CAPZB: variants seen among roughly 807,000 people sequenced by gnomAD.
The protein encoded by CAPZB is capping actin protein of muscle Z-line subunit beta, also known as F-actin-capping protein subunit beta.
Under a neutral mutation model 38.1 loss-of-function variants are expected in CAPZB, and 2 were observed. The ratio of observed to expected loss-of-function variants is 0.05; its 90% confidence interval spans 0.02 to 0.17. CAPZB has a LOEUF of 0.17. Ranked by LOEUF, CAPZB falls within the 10% of genes least tolerant of loss-of-function variation. The pLI is 1.00. For synonymous variants in CAPZB, 107 were observed against 127.4 expected, an observed-to-expected ratio of 0.84 and a Z score of 1.08; for missense variants, 161 against 334.2, an observed-to-expected ratio of 0.48 and a Z score of 4.04.
At chr1:19,375,262 CG>C (rs1558197995) in intron 4 of CAPZB, among the ~76,000 whole-genome samples, 1 of 152,232 alleles carries the variant, frequency 6.6e-6, no homozygotes, top group Non-Finnish European at 1.5e-5. Flanking sequence ...GCTGGGAAAA[CG>C]TTCCTCGCAT....
At chr1:19,386,301 A>T (rs1238816143) in intron 2 of CAPZB, among the ~76,000 whole-genome samples, 1 of 152,162 alleles carries the variant, frequency 6.6e-6, no homozygotes, top group Non-Finnish European at 1.5e-5. Context: ...ACTCTGACAC[A>T]AGGCTCTGCA....
At chr1:19,453,525 T>C (rs1228415706) in intron 1 of CAPZB, among the ~76,000 whole-genome samples, 1 of 152,050 alleles carries the variant, frequency 6.6e-6, no homozygotes, top group East Asian at 1.9e-4. Context: ...CCTCCCAAAG[T>C]GCTGTGACTA....
At chr1:19,463,389 G>C (rs2094558535) in intron 1 of CAPZB, among the ~76,000 whole-genome samples, 1 of 152,146 alleles carries the variant, frequency 6.6e-6, no homozygotes. Context: ...TAAAAGACTG[G>C]GTCGGCTGCT....
At chr1:19,473,120 AAAG>A (rs1418297746) in intron 1 of CAPZB, among the ~76,000 whole-genome samples, 2 of 152,160 alleles carry the variant, frequency 1.3e-5, no homozygotes, top group Non-Finnish European at 2.9e-5. Flanking sequence ...AAAAAACTCT[AAAG>A]AACATCTGTT....
chr1:19,401,190 C>T (rs2094301417), intron 2 of CAPZB, among the ~76,000 whole-genome samples: 1 of 148,656 alleles, frequency 6.7e-6, no homozygotes, highest in African/African-American at 2.5e-5. Context: ...TACACATAGG[C>T]AGAATAAAAA....
chr1:19,344,257 A>G (rs2093948704), intron 8 of CAPZB, 101 bp downstream of exon 8: 1 of 888,142 alleles, frequency 1.1e-6, no homozygotes, highest in Admixed American at 1.9e-5. Flanking sequence ...CAGCCTACCA[A>G]TGAGGACACC....
At chr1:19,347,670 C>CT (rs376574529) in intron 6 of CAPZB, among the ~76,000 whole-genome samples, 28 of 152,344 alleles carry the variant, frequency 1.8e-4, no homozygotes, top group African/African-American at 6.5e-4. Context: ...GACCAGCTTC[C>CT]TATCGACAGT....
intron 1 of CAPZB, chr1:19,449,390 C>A: frequency 1.0e-6 from 1 of 977,072 alleles, no homozygotes; most frequent in South Asian, 4.4e-5. Flanking sequence ...CATCCACTAG[C>A]ATCCTTAAGG....
chr1:19,457,164 G>A (rs1046031330), intron 1 of CAPZB, among the ~76,000 whole-genome samples: 7 of 152,212 alleles, frequency 4.6e-5, no homozygotes, highest in African/African-American at 1.7e-4. Context: ...CACAAAGGGA[G>A]GGGCCTTGGG....
At chr1:19,437,783 T>A (rs144467521) in intron 1 of CAPZB, among the ~76,000 whole-genome samples, 1 of 152,122 alleles carries the variant, frequency 6.6e-6, no homozygotes, top group Admixed American at 6.6e-5. Context: ...GTGGGAGAAC[T>A]TCATGACACA....
chr1:19,466,671 G>A (rs2094570087), intron 1 of CAPZB, among the ~76,000 whole-genome samples: 1 of 152,166 alleles, frequency 6.6e-6, no homozygotes, highest in South Asian at 2.1e-4. Flanking sequence ...CCCAAGTCAC[G>A]CTCCAGACTC....
In CAPZB at chr1:19,356,601, G is replaced by A; in HGVS notation, c.588+34C>T. On this transcript the variant is annotated intron_variant, in intron 6 of 8. Coordinates refer to ENST00000264202, the MANE Select transcript of CAPZB (RefSeq NM_004930.5). The surrounding 1 kb of genome is among the most constrained non-coding windows in gnomAD (Gnocchi z 4.3). ...TCAGCACTGAGGCCAGCACCTGTGG[G>A]CACTGGCAAGTGGCTATGAGCGGGT... The A allele has an allele frequency of 2.1e-6, 3 of 1,410,292 alleles. No individual in the cohort carries two copies. The highest frequency in any genetic ancestry group is 3.0e-6 in the Non-Finnish European group (3 of 993,964). The allele number at this position is 1,410,292 out of a possible 1,614,324, so 87.4% of individuals were successfully genotyped here.
intron 8 of CAPZB, among the ~76,000 whole-genome samples, chr1:19,343,148 A>G (rs2093941679): frequency 6.6e-6 from 1 of 152,082 alleles, no homozygotes; most frequent in Admixed American, 6.5e-5. Flanking sequence ...CTGGGCGGGA[A>G]AGTGTGTTTG....
intron 2 of CAPZB, among the ~76,000 whole-genome samples, chr1:19,393,433 C>T (rs935571335): frequency 6.6e-6 from 1 of 152,186 alleles, no homozygotes; most frequent in Non-Finnish European, 1.5e-5. Flanking sequence ...GGGTATGGCG[C>T]ACCTATTCGG....
intron 1 of CAPZB, among the ~76,000 whole-genome samples, chr1:19,471,013 A>G (rs1225374069): frequency 2.6e-5 from 4 of 152,186 alleles, no homozygotes; most frequent in Non-Finnish European, 4.4e-5. Context: ...CAAGACCCCC[A>G]GTGGATGCCT....
chr1:19,460,574 C>CGTTTTTTTTTTT (rs1553292634), intron 1 of CAPZB, among the ~76,000 whole-genome samples: 1 of 90,972 alleles, frequency 1.1e-5, no homozygotes, highest in Admixed American at 1.5e-4. Flanking sequence ...TGTGCCCAGG[C>CGTTTTTTTTTTT]TTTTTTTTTT....
chr1:19,458,348 GT>G (rs773765988), intron 1 of CAPZB, among the ~76,000 whole-genome samples: 48 of 145,866 alleles, frequency 3.3e-4, no homozygotes, highest in South Asian at 2.0e-3. Flanking sequence ...GTTTTGTTTT[GT>G]TTTGTTTGTT....
At chr1:19,347,448 T>C (rs1185018506) in intron 6 of CAPZB, among the ~76,000 whole-genome samples, 2 of 152,174 alleles carry the variant, frequency 1.3e-5, no homozygotes, top group Non-Finnish European at 2.9e-5. Flanking sequence ...ATGGAGCCTC[T>C]GCCGATAGGG....
In CAPZB at chr1:19,400,332, C is replaced by T. The variant is rs76692124; in HGVS notation, c.94-14706G>A. ...CCCAGGCTCCAACTACAAAACCCTG[C>T]GGGACACGCAGGCTCCTCTGGGCTT... On this transcript the variant is annotated intron_variant, in intron 2 of 8. Transcript: ENST00000264202. 2.3e-3 allele frequency among the ~76,000 whole-genome samples: 352 copies of T among 152,278 alleles called. 2 individuals carry two copies. Among genetic ancestry groups the T allele is most frequent in the African/African-American group, 8.4e-3 (347 of 41,548 alleles).
Sources: allele counts gnomAD v4.1 joint callset (sites outside exome capture counted in the v4.1 genomes callset), GRCh38; gene constraint gnomAD v4.1.1; non-coding constraint Gnocchi (gnomAD v3.1); transcripts MANE v1.5; gene names NCBI Gene and HGNC (gene_info 2026-07-23, HGNC 2026-07-21).